The following TPTE variants were observed in gnomAD, a reference collection of about 807,000 sequenced individuals.
The protein encoded by TPTE is putative tyrosine-protein phosphatase TPTE.
A neutral mutation model predicts 84.1 loss-of-function variants in TPTE; 59 were observed. That is an observed-to-expected ratio of 0.70 (90% CI 0.57 to 0.87). The LOEUF is 0.87. Ranked by LOEUF, TPTE falls within the 40% of genes least tolerant of loss-of-function variation. The pLI is 0.00. For synonymous variants in TPTE, 130 were observed against 223.5 expected, an observed-to-expected ratio of 0.58 and a Z score of 3.73; for missense variants, 382 against 659.6, an observed-to-expected ratio of 0.58 and a Z score of 4.61.
At chr21:10,562,397 C>T (rs2074826438) in intron 10 of TPTE, among the ~76,000 whole-genome samples, 1 of 152,302 alleles carries the variant, frequency 6.6e-6, no homozygotes, top group Admixed American at 6.5e-5. Flanking sequence ...AACATGACCT[C>T]ACCAAATGAA....
At chr21:10,559,977 A>G (rs1475455929) in intron 9 of TPTE, among the ~76,000 whole-genome samples, 1 of 152,292 alleles carries the variant, frequency 6.6e-6, no homozygotes, top group Non-Finnish European at 1.5e-5. Context: ...AAATACTGAA[A>G]TAAAATAACA....
chr21:10,573,424 C>G (rs1434370643), intron 14 of TPTE, among the ~76,000 whole-genome samples: 1 of 152,310 alleles, frequency 6.6e-6, no homozygotes, highest in African/African-American at 2.4e-5. Context: ...CACTCTTAAC[C>G]ACTGGACAGA....
rs1489609343 is a variant in TPTE at position 10,541,101 on chromosome 21, T to G, written c.12-11T>G. 11 of 1,612,840 alleles carry G rather than the reference T, an allele frequency of 6.8e-6. No homozygotes were observed. The Admixed American group carries it at 1.5e-4, about 22-fold the overall frequency. On this transcript the variant is annotated splice_polypyrimidine_tract_variant and intron_variant, in intron 4 of 23. Transcript: ENST00000618007. ...GCATTGGGTCTGACTCTGACCATAT[T>G]TGTCCTTTAGTCCTGATCCGACTGA... is the stretch of plus-strand genomic sequence containing the variant.
intron 18 of TPTE, among the ~76,000 whole-genome samples, chr21:10,591,907 A>T (rs1405141755): frequency 5.9e-5 from 9 of 152,290 alleles, no homozygotes; most frequent in African/African-American, 2.2e-4. Flanking sequence ...TCACGCCTGT[A>T]ATCCCAGCAC....
At chr21:10,541,225 A>T (rs1454277845) in intron 5 of TPTE, 60 bp downstream of exon 5, 1 of 1,605,426 alleles carries the variant, frequency 6.2e-7, no homozygotes, top group East Asian at 2.2e-5. Context: ...TAATCTGAGC[A>T]CTTTGGGAGG....
At chr21:10,589,419 G>T (rs1341283042) in intron 17 of TPTE, among the ~76,000 whole-genome samples, 3 of 152,306 alleles carry the variant, frequency 2.0e-5, no homozygotes, top group African/African-American at 4.8e-5. Context: ...GCTCTCTGTT[G>T]CCCCAGGCAA....
intron 7 of TPTE, among the ~76,000 whole-genome samples, chr21:10,545,768 CAT>C (rs1404891387): frequency 1.3e-5 from 2 of 151,708 alleles, no homozygotes; most frequent in Admixed American, 6.6e-5. Flanking sequence ...TATAGATACA[CAT>C]ATCTATATAC....
chr21:10,566,574 G>C (rs1360758094), intron 10 of TPTE, among the ~76,000 whole-genome samples: 17 of 152,422 alleles, frequency 1.1e-4, no homozygotes, highest in African/African-American at 4.1e-4. Flanking sequence ...TTGCAGCACT[G>C]TTCATAATGG....
intron 6 of TPTE, among the ~76,000 whole-genome samples, chr21:10,543,014 CTTTTTTTTTTTTTTT>C (rs1051322060): frequency 2.6e-4 from 19 of 72,288 alleles, no homozygotes; most frequent in Admixed American, 1.1e-3. Context: ...TGACTGTATT[CTTTTTTTTTTTTTTT>C]TTTTTTTTTT....
intron 10 of TPTE, among the ~76,000 whole-genome samples, chr21:10,562,052 T>A (rs2074816671): frequency 7.1e-6 from 1 of 141,672 alleles, no homozygotes; most frequent in African/African-American, 2.5e-5. Context: ...AGAGACTCTG[T>A]TTGTTTGGGA....
At chr21:10,566,001 G>A (rs1334079339) in intron 10 of TPTE, among the ~76,000 whole-genome samples, 2 of 152,308 alleles carry the variant, frequency 1.3e-5, no homozygotes, top group African/African-American at 4.8e-5. Context: ...AGCAAAAATG[G>A]GCAAATGGGA....
At chr21:10,528,288 A>C (rs2074116042) in intron 3 of TPTE, among the ~76,000 whole-genome samples, 1 of 152,312 alleles carries the variant, frequency 6.6e-6, no homozygotes, top group East Asian at 1.9e-4. Flanking sequence ...TGACATCAGA[A>C]ATCTGTGCTG....
intron 14 of TPTE, among the ~76,000 whole-genome samples, chr21:10,575,401 C>A (rs1330588744): frequency 6.6e-6 from 1 of 152,312 alleles, no homozygotes; most frequent in South Asian, 2.1e-4. Context: ...GCAGCTGCCA[C>A]CTCTGCAGTT....
At chr21:10,565,471 A>G (rs1331023695) in intron 10 of TPTE, among the ~76,000 whole-genome samples, 1 of 152,312 alleles carries the variant, frequency 6.6e-6, no homozygotes, top group Non-Finnish European at 1.5e-5. Context: ...CTGTCAAAAT[A>G]TGAATGACAT....
At chr21:10,522,363 G>C (rs2073996721) in intron 1 of TPTE, among the ~76,000 whole-genome samples, 1 of 152,184 alleles carries the variant, frequency 6.6e-6, no homozygotes, top group South Asian at 2.1e-4. Context: ...CCGGGGGTCT[G>C]CGGGGGTGGG....
chr21:10,542,406 G>C lies in TPTE; in HGVS notation c.77G>C (p.Ser26Thr), dbSNP rs1305293992. The C allele has an allele frequency of 3.1e-6, 5 of 1,611,598 alleles. No individual in the cohort carries two copies. The highest frequency in any genetic ancestry group is 4.2e-6 in the Non-Finnish European group (5 of 1,178,346). Reference sequence around the variant, plus strand: ...TTATCATCCACTAGTCCACAGACAAGTGAATTTAAAGGAGCAACCGAGGAG... The same window carrying C: ...TTATCATCCACTAGTCCACAGACAACTGAATTTAAAGGAGCAACCGAGGAG... ...ELGPNDSPQTSEFKGATEEAP... is the reference protein window; with the variant it reads ...ELGPNDSPQTTEFKGATEEAP... Residue 26 changes from serine to threonine, a missense_variant, in exon 6 of 24, where the codon AGT becomes ACT. Coordinates refer to ENST00000618007, the MANE Select transcript of TPTE (RefSeq NM_199261.4).
chr21:10,560,541 T>C (rs2074778033), intron 9 of TPTE, among the ~76,000 whole-genome samples: 3 of 152,424 alleles, frequency 2.0e-5, no homozygotes, highest in East Asian at 1.9e-4. Flanking sequence ...TATGAAATCA[T>C]GTACTTGTTG....
intron 4 of TPTE, among the ~76,000 whole-genome samples, chr21:10,539,334 A>G (rs2074324890): frequency 6.6e-6 from 1 of 152,310 alleles, no homozygotes; most frequent in African/African-American, 2.4e-5. Context: ...AAACATAAAC[A>G]CAAGCACACC....
intron 14 of TPTE, among the ~76,000 whole-genome samples, chr21:10,575,218 A>G (rs1404692777): frequency 6.6e-6 from 1 of 152,312 alleles, no homozygotes; most frequent in African/African-American, 2.4e-5. Context: ...AGAGTTCCCC[A>G]CGACACAGCA....
Sources: gnomAD v4.1 joint callset for allele counts (sites outside exome capture counted in the v4.1 genomes callset) on GRCh38, gnomAD v4.1.1 for gene constraint, MANE v1.5 for transcripts, NCBI Gene and HGNC (gene_info 2026-07-23, HGNC 2026-07-21) for gene names.